The following AFF2 variants were observed in gnomAD, a reference collection of about 807,000 sequenced individuals.
AFF2 encodes AF4/FMR2 family member 2.
In AFF2, 14 loss-of-function variants were observed where a neutral mutation model predicts 76.9. That is an observed-to-expected ratio of 0.18 (90% CI 0.12 to 0.28). The LOEUF is 0.28. Ranked by LOEUF, AFF2 falls within the 10% of genes least tolerant of loss-of-function variation. The probability of loss-of-function intolerance (pLI) is 1.00; values close to 1 mark genes in which losing one functional copy is unlikely to be tolerated. For missense variants in AFF2, 868 were observed against 1,001.1 expected, an observed-to-expected ratio of 0.87 and a Z score of 1.79; for synonymous variants, 398 against 366.7, an observed-to-expected ratio of 1.09 and a Z score of -0.98.
intron 1 of AFF2, among the ~76,000 whole-genome samples, chrX:148,570,056 T>C (rs2053211733): frequency 8.9e-6 from 1 of 111,861 alleles, no homozygotes; most frequent in Non-Finnish European, 1.9e-5. Context: ...ATAATTTTGA[T>C]GGATCAAGAT....
chrX:148,504,210 C>G (rs1299077913), intron 1 of AFF2, among the ~76,000 whole-genome samples: 1 of 110,747 alleles, frequency 9.0e-6, no homozygotes, highest in Non-Finnish European at 1.9e-5. Flanking sequence ...GTTCTGTAAG[C>G]ACCTCCCACC....
At chrX:148,796,166 T>C (rs1266863824) in intron 3 of AFF2, among the ~76,000 whole-genome samples, 8 of 109,649 alleles carry the variant, frequency 7.3e-5, no homozygotes, top group Non-Finnish European at 1.3e-4. Context: ...GGAGCTTTTA[T>C]AGATTCCAGC....
At chrX:148,949,359 A>G (rs1397223573) in intron 9 of AFF2, among the ~76,000 whole-genome samples, 1 of 110,684 alleles carries the variant, frequency 9.0e-6, no homozygotes, top group Non-Finnish European at 1.9e-5. Flanking sequence ...ACCAGGGTCA[A>G]CCGTGTCTGG....
intron 3 of AFF2, among the ~76,000 whole-genome samples, chrX:148,674,792 G>A (rs868951614): frequency 1.8e-5 from 2 of 112,196 alleles, no homozygotes; most frequent in African/African-American, 6.5e-5. Context: ...TATCTAAGGA[G>A]AAGGTGGCCT....
chrX:148,705,966 A>T (rs1287923870), intron 3 of AFF2, among the ~76,000 whole-genome samples: 1 of 111,904 alleles, frequency 8.9e-6, no homozygotes, highest in African/African-American at 3.2e-5. Context: ...CTAACTATGC[A>T]ATCCTGGGGC....
chrX:148,795,832 A>ATGT (rs57921723), intron 3 of AFF2, among the ~76,000 whole-genome samples: 2 of 15,537 alleles, frequency 1.3e-4, no homozygotes, highest in Non-Finnish European at 2.2e-4. Flanking sequence ...AAAAAAAAAA[A>ATGT]ATATATATAT....
chrX:148,644,144 T>C (rs1557255083), intron 1 of AFF2, among the ~76,000 whole-genome samples: 1 of 111,977 alleles, frequency 8.9e-6, no homozygotes, highest in East Asian at 2.8e-4. Context: ...CATGCTCCAA[T>C]AGCCCCTGAG....
At chrX:148,502,977 G>T (rs1447184010) in intron 1 of AFF2, among the ~76,000 whole-genome samples, 5 of 112,391 alleles carry the variant, frequency 4.4e-5, no homozygotes, top group Non-Finnish European at 9.4e-5. Flanking sequence ...TTATCTTAAG[G>T]AAAATGCAAA....
rs1557283558 is a variant in AFF2, at chrX:148,924,568, G to A, written c.1397+20310G>A. ...TAATTTGATGCATGTGAATGGAAAT[G>A]TGTTGAGCCTCTACTCTGCTAGACA... On this transcript the variant is annotated intron_variant, in intron 9 of 20. Coordinates refer to ENST00000370460, the MANE Select transcript of AFF2 (RefSeq NM_002025.4). Among the ~76,000 whole-genome samples, 3 of 112,061 alleles carry A rather than the reference G, an allele frequency of 2.7e-5. 1 individual carries two copies. In the Admixed American group the frequency reaches 2.8e-4, roughly 11 times the overall value.
At chrX:148,656,493 ATTTTTTT>A (rs1205846596) in intron 2 of AFF2, among the ~76,000 whole-genome samples, 2 of 68,082 alleles carry the variant, frequency 2.9e-5, no homozygotes, top group Admixed American at 3.4e-4. Context: ...TCCATGAGGA[ATTTTTTT>A]TTTTTTTTTT....
At chrX:148,960,138 G>A (rs1283141365) in intron 12 of AFF2, among the ~76,000 whole-genome samples, 5 of 112,947 alleles carry the variant, frequency 4.4e-5, no homozygotes, top group African/African-American at 1.6e-4. Flanking sequence ...GAACACTCAA[G>A]AGACAGCAGG....
intron 1 of AFF2, among the ~76,000 whole-genome samples, chrX:148,536,802 T>C (rs1428226442): frequency 8.9e-6 from 1 of 112,057 alleles, no homozygotes; most frequent in Non-Finnish European, 1.9e-5. Context: ...ATGTGACTCC[T>C]AGACACCCAT....
In AFF2 at chrX:148,994,188, A is replaced by G. The variant is rs1044803302; in HGVS notation, c.*2856A>G. On this transcript the variant is annotated 3_prime_UTR_variant, in exon 21 of 21. Coordinates refer to ENST00000370460, the MANE Select transcript of AFF2 (RefSeq NM_002025.4). ...TACACCAAATGATCTCAGCCCTGCA[A>G]CTTGACCCAGGTAGGGCCACCACTA... The G allele has an allele frequency of 8.9e-6, 1 of 112,094 alleles. No homozygotes were observed. Among genetic ancestry groups the G allele is most frequent in the Non-Finnish European group, 1.9e-5 (1 of 53,202 alleles). The allele number at this position is 112,094 out of a possible 1,213,427, so 9.2% of individuals were successfully genotyped here.
chrX:148,537,602 C>T (rs1240140666), intron 1 of AFF2, among the ~76,000 whole-genome samples: 1 of 109,586 alleles, frequency 9.1e-6, no homozygotes, highest in East Asian at 2.8e-4. Context: ...CGGATCCTGC[C>T]GTTATGCTCT....
intron 8 of AFF2, among the ~76,000 whole-genome samples, chrX:148,902,610 G>A (rs139459729): frequency 0.013 from 1,405 of 112,029 alleles, 24 homozygotes; most frequent in African/African-American, 0.043. Context: ...GAATCTGCAG[G>A]ATGAGTGAGG....
In AFF2 at chrX:148,717,462, G is replaced by A. The variant is rs371541380; in HGVS notation, c.1041+54694G>A. ...TCTCTCCTTTTCGGGTGATGAAAAT[G>A]TTTAAGAATCAGACAGTGGTGATGT... On this transcript the variant is annotated intron_variant, in intron 3 of 20. Coordinates refer to ENST00000370460, the MANE Select transcript of AFF2 (RefSeq NM_002025.4). Among the ~76,000 whole-genome samples the A allele has an allele frequency of 4.5e-5, 5 of 112,240 alleles. No individual in the cohort carries two copies. The East Asian group carries it at 1.4e-3, about 32-fold the overall frequency.
At chrX:148,821,897 T>C (rs1557272578) in intron 4 of AFF2, among the ~76,000 whole-genome samples, 1 of 111,513 alleles carries the variant, frequency 9.0e-6, no homozygotes, top group Non-Finnish European at 1.9e-5. Flanking sequence ...GCATAAAAAG[T>C]GCATAGATTA....
At chrX:148,720,186 C>G (rs1557263667) in intron 3 of AFF2, among the ~76,000 whole-genome samples, 1 of 110,967 alleles carries the variant, frequency 9.0e-6, no homozygotes, top group African/African-American at 3.3e-5. Flanking sequence ...CTGAGTTCTG[C>G]TTTGAAGGAA....
chrX:148,856,735 C>T (rs1321334479), intron 7 of AFF2, among the ~76,000 whole-genome samples: 5 of 112,411 alleles, frequency 4.4e-5, no homozygotes, highest in African/African-American at 1.3e-4. Flanking sequence ...TTCTGTGGTT[C>T]ACATATATAT....
Sources: allele counts gnomAD v4.1 joint callset (sites outside exome capture counted in the v4.1 genomes callset), GRCh38; gene constraint gnomAD v4.1.1; transcripts MANE v1.5; gene names NCBI Gene and HGNC (gene_info 2026-07-23, HGNC 2026-07-21).